MLYCD: variants seen among roughly 807,000 people sequenced by gnomAD.
MLYCD encodes malonyl-CoA decarboxylase, mitochondrial.
A neutral mutation model predicts 35.8 loss-of-function variants in MLYCD; 27 were observed. That is an observed-to-expected ratio of 0.75 (90% CI 0.56 to 1.04). The LOEUF (loss-of-function observed/expected upper bound fraction) is 1.04, where lower values mean the gene tolerates loss of function less well. MLYCD is among the 50% of genes least tolerant of loss of function. The probability of loss-of-function intolerance (pLI) is 0.00; values close to 1 mark genes in which losing one functional copy is unlikely to be tolerated. For synonymous variants in MLYCD, 403 were observed against 302.4 expected (o/e 1.33, Z -3.45); for missense variants, 917 against 665.1 (o/e 1.38, Z -4.17).
Position 83,918,950 on chromosome 16 carries a change from C to T in MLYCD, c.*3461C>T, listed in dbSNP as rs1228634457. The T allele has an allele frequency of 1.3e-5, 2 of 149,412 alleles. No homozygotes were observed. The highest frequency in any genetic ancestry group is 2.5e-5 in the African/African-American group (1 of 40,066). The allele number at this position is 149,412 out of a possible 1,614,324, so 9.3% of individuals were successfully genotyped here. On this transcript the variant is annotated 3_prime_UTR_variant, in exon 5 of 5. Coordinates refer to ENST00000262430, the MANE Select transcript of MLYCD (RefSeq NM_012213.3). ...AACAGTTCACAGGAGAACACGCACA[C>T]ACAGTGCATAGAGCACAGACACAGT...
chr16:83,918,888 G>C lies in MLYCD; in HGVS notation c.*3399G>C, dbSNP rs1357199061. 7.0e-6 allele frequency: 1 copy of C among 142,216 alleles called. No individual in the cohort carries two copies. The highest frequency in any genetic ancestry group is 2.3e-4 in the South Asian group (1 of 4,288). The allele number at this position is 142,216 out of a possible 1,614,324, so 8.8% of individuals were successfully genotyped here. A position where few individuals can be genotyped will look rare whatever the true frequency, so the allele number is the denominator to read the frequency against. On this transcript the variant is annotated 3_prime_UTR_variant, in exon 5 of 5. Coordinates refer to ENST00000262430, the MANE Select transcript of MLYCD (RefSeq NM_012213.3). Reference sequence around the variant, plus strand: ...CACAGCCAGTGCACAGGAGAACACTGCACAGGAGAACCACACTGCACAGGA... The same window carrying C: ...CACAGCCAGTGCACAGGAGAACACTCCACAGGAGAACCACACTGCACAGGA...
intron 1 of MLYCD, among the ~76,000 whole-genome samples, chr16:83,903,340 C>T: frequency 6.6e-6 from 1 of 152,164 alleles, no homozygotes; most frequent in South Asian, 2.1e-4. Flanking sequence ...CTGTGCTTAC[C>T]TATGCTAAAT....
intron 3 of MLYCD, among the ~76,000 whole-genome samples, chr16:83,909,772 G>C (rs1405206965): frequency 6.6e-6 from 1 of 151,564 alleles, no homozygotes; most frequent in Non-Finnish European, 1.5e-5. Flanking sequence ...ACAGGCATGT[G>C]CCACCATGCC....
chr16:83,903,355 C>A (rs1451014433), intron 1 of MLYCD, among the ~76,000 whole-genome samples: 1 of 152,204 alleles, frequency 6.6e-6, no homozygotes, highest in Non-Finnish European at 1.5e-5. Context: ...CTAAATAATA[C>A]TTATTTTTAG....
intron 3 of MLYCD, chr16:83,911,793 A>G (rs1907188689): frequency 4.3e-6 from 1 of 231,010 alleles, no homozygotes; most frequent in African/African-American, 2.3e-5. Context: ...AGGAAAAACA[A>G]TTCAGTGGTG....
In MLYCD at chr16:83,906,045, TTG is replaced by T. The variant is rs1419631878; in HGVS notation, c.529-941_529-940del. 3.9e-5 allele frequency among the ~76,000 whole-genome samples: 6 copies of T among 152,310 alleles called. No homozygotes were observed. In the East Asian group the frequency reaches 7.7e-4, roughly 20 times the overall value. On this transcript the variant is annotated intron_variant, in intron 1 of 4. Coordinates refer to ENST00000262430, the MANE Select transcript of MLYCD (RefSeq NM_012213.3). ...TTTCATCAACTCTGAAATGCATTGG[TTG>T]CCAGATACGCTATTATTTTATGTCC... is the stretch of plus-strand genomic sequence containing the variant.
chr16:83,901,312 G>GATCA (rs967092835), intron 1 of MLYCD, among the ~76,000 whole-genome samples: 78 of 152,290 alleles, frequency 5.1e-4, no homozygotes, highest in African/African-American at 1.8e-3. Context: ...CCATGTAAAT[G>GATCA]ATCAGCTCCT....
intron 1 of MLYCD, among the ~76,000 whole-genome samples, chr16:83,902,653 T>A (rs137995126): frequency 6.6e-6 from 1 of 151,992 alleles, no homozygotes; most frequent in African/African-American, 2.4e-5. Flanking sequence ...ATACAGGTGC[T>A]TGCCAACACA....
Position 83,915,186 on chromosome 16 carries a change from G to A in MLYCD, c.1179G>A (p.Ala393=), listed in dbSNP as rs564269563. 2.1e-5 allele frequency: 34 copies of A among 1,614,122 alleles called. No homozygotes were observed. Among genetic ancestry groups the A allele is most frequent in the Middle Eastern group, 1.7e-4 (1 of 6,050 alleles). ...EWVQSEKLVR[A]LQTPLMRLCA... ...TGCAGTCGGAGAAGCTGGTGCGGGC[G>A]CTGCAGACTCCGCTGATGAGGCTGT... The change falls in exon 5 of 5, where the codon GCG becomes GCA. Residue 393 remains alanine (A), a synonymous_variant. Transcript: ENST00000262430.
chr16:83,912,223 C>G lies in MLYCD; in HGVS notation c.804C>G (p.Ile268Met). The G allele has an allele frequency of 3.1e-6, 5 of 1,614,150 alleles. No homozygotes were observed. The highest frequency in any genetic ancestry group is 3.4e-6 in the Non-Finnish European group (4 of 1,180,034). ...CCATCGTTGGTGTTTTCCAGGCAATCGTGAAGGAACATCCTCCATCAGAAA... is the reference window on the plus strand; with the variant it reads ...CCATCGTTGGTGTTTTCCAGGCAATGGTGAAGGAACATCCTCCATCAGAAA... ...TGDISSNIQA[I>M]VKEHPPSETE... The change falls in exon 4 of 5, where the codon ATC becomes ATG. Residue 268 changes from isoleucine (I) to methionine (M), a missense_variant. Ile to Met is a conservative substitution (Grantham distance 10, BLOSUM62 1). Coordinates refer to ENST00000262430, the MANE Select transcript of MLYCD (RefSeq NM_012213.3).
chr16:83,902,420 A>G (rs1048358721), intron 1 of MLYCD, among the ~76,000 whole-genome samples: 22 of 151,468 alleles, frequency 1.5e-4, no homozygotes, highest in South Asian at 4.2e-4. Flanking sequence ...TTCTGTACCT[A>G]TAAACTATCA....
intron 1 of MLYCD, among the ~76,000 whole-genome samples, chr16:83,899,879 G>A (rs1158992595): frequency 6.6e-6 from 1 of 152,218 alleles, no homozygotes; most frequent in Non-Finnish European, 1.5e-5. Flanking sequence ...CCTTCCTCCA[G>A]TCTGTCCTTG....
In MLYCD at chr16:83,922,116, T is replaced by G. The variant is rs564936515; in HGVS notation, c.*6627T>G. 10 of 152,380 alleles carry G rather than the reference T, an allele frequency of 6.6e-5. No homozygotes were observed. The highest frequency in any genetic ancestry group is 1.5e-4 in the Non-Finnish European group (10 of 68,096). 9.4% of individuals were successfully genotyped at this position (152,380 alleles called of 1,614,324 possible). ...AAATTGTCATGAGTGCTTTCCACTG[T>G]GTCCCAGGTTCAAGGCTGAAGTCAC... On this transcript the variant is annotated 3_prime_UTR_variant, in exon 5 of 5. Transcript: ENST00000262430.
In MLYCD at chr16:83,915,700, G is replaced by A; in HGVS notation, c.*211G>A. On this transcript the variant is annotated 3_prime_UTR_variant, in exon 5 of 5. Transcript: ENST00000262430. ...CAGTGCAAGACGGTTGTGGGTGCGG[G>A]TGCACACAAATGAGTGGGTTGCTGT... 1 of 1,447,172 alleles carries A rather than the reference G, an allele frequency of 6.9e-7. No individual in the cohort carries two copies. Among genetic ancestry groups the A allele is most frequent in the Non-Finnish European group, 9.1e-7 (1 of 1,100,996 alleles). The allele number at this position is 1,447,172 out of a possible 1,614,324, so 89.6% of individuals were successfully genotyped here. A position where few individuals can be genotyped will look rare whatever the true frequency, so the allele number is the denominator to read the frequency against.
At chr16:83,901,918 T>C (rs72791518) in intron 1 of MLYCD, among the ~76,000 whole-genome samples, 32,661 of 151,884 alleles carry the variant, frequency 0.22, 4,375 homozygotes, top group African/African-American at 0.38. Context: ...ATAACGACAG[T>C]CTGATCTTTG....
rs543361920 is a variant in MLYCD at position 83,912,865 on chromosome 16, G to C, written c.948+498G>C. 67 of 208,952 alleles carry C rather than the reference G, an allele frequency of 3.2e-4. 1 individual carries two copies. In the South Asian group the frequency reaches 5.3e-3, roughly 17 times the overall value. 12.9% of individuals were successfully genotyped at this position (208,952 alleles called of 1,614,324 possible). ...GGGAGTGCTGAGGTGAGACCAGACAGCTCGAAGGTAAATGCATCGGCTTTT... is the reference window on the plus strand; with the variant it reads ...GGGAGTGCTGAGGTGAGACCAGACACCTCGAAGGTAAATGCATCGGCTTTT... On this transcript the variant is annotated intron_variant, in intron 4 of 4. Transcript: ENST00000262430.
chr16:83,907,050 G>A lies in MLYCD; in HGVS notation c.592G>A (p.Glu198Lys), dbSNP rs201780465. The change falls in exon 2 of 5, where the codon GAA (glutamate) becomes AAA (lysine). Residue 198 changes from glutamate to lysine, a missense_variant. Transcript: ENST00000262430. ...GTTTTCCTCCGGGTTCCTGAACCTA[G>A]AACGGGTTACCTGGCATTCACCGTG... ...EWFSSGFLNL[E>K]RVTWHSPCEV... The A allele has an allele frequency of 8.9e-5, 144 of 1,614,216 alleles. No individual in the cohort carries two copies. Among genetic ancestry groups the A allele is most frequent in the Non-Finnish European group, 1.2e-4 (139 of 1,180,042 alleles).
rs946570288 is a variant in MLYCD, at chr16:83,899,118, C to A, written c.-27C>A. 4.5e-6 allele frequency: 5 copies of A among 1,102,124 alleles called. No homozygotes were observed. The highest frequency in any genetic ancestry group is 5.9e-5 in the East Asian group (1 of 16,926). The allele number at this position is 1,102,124 out of a possible 1,614,324, so 68.3% of individuals were successfully genotyped here. ...GAAGCGCGGCAGCGGCGGCGGCGCTCCCCCTCGGCAGCTGTTGTGGGGCAC... is the reference window on the plus strand; with the variant it reads ...GAAGCGCGGCAGCGGCGGCGGCGCTACCCCTCGGCAGCTGTTGTGGGGCAC... On this transcript the variant is annotated 5_prime_UTR_variant, in exon 1 of 5. Coordinates refer to ENST00000262430, the MANE Select transcript of MLYCD (RefSeq NM_012213.3).
At chr16:83,914,906 T>C (rs1242668439) in intron 4 of MLYCD, 50 bp from the exon 5 acceptor site, 18 of 1,613,476 alleles carry the variant, frequency 1.1e-5, no homozygotes, top group Non-Finnish European at 1.5e-5. Flanking sequence ...ACGTACCTGC[T>C]GAATTTGTGT....
Sources: allele counts gnomAD v4.1 joint callset (sites outside exome capture counted in the v4.1 genomes callset), GRCh38; gene constraint gnomAD v4.1.1; transcripts MANE v1.5; gene names NCBI Gene and HGNC (gene_info 2026-07-23, HGNC 2026-07-21).